Variants in GABRB1 observed in about 807,000 individuals in gnomAD.
The protein encoded by GABRB1 is gamma-aminobutyric acid receptor subunit beta-1.
Under a neutral mutation model 51.6 loss-of-function variants are expected in GABRB1, and 17 were observed. The observed-to-expected ratio is 0.33, with a 90% confidence interval of 0.23 to 0.49. The LOEUF (loss-of-function observed/expected upper bound fraction) is 0.49, where lower values mean the gene tolerates loss of function less well. Among genes scored for constraint, GABRB1 ranks in the 20% least tolerant of loss-of-function variants. The pLI is 0.99. For missense variants in GABRB1, 410 were observed against 600.6 expected (o/e 0.68, Z 3.32); for synonymous variants, 247 against 218.9 (o/e 1.13, Z -1.14).
chr4:47,301,069 CAA>C (rs1338432393), intron 4 of GABRB1, among the ~76,000 whole-genome samples: 1 of 151,516 alleles, frequency 6.6e-6, no homozygotes, highest in African/African-American at 2.4e-5. Flanking sequence ...AAACCAGAAA[CAA>C]AAAAAGAAAC....
chr4:47,092,591 T>C (rs544244763), intron 3 of GABRB1, among the ~76,000 whole-genome samples: 63 of 151,644 alleles, frequency 4.2e-4, no homozygotes, highest in African/African-American at 1.5e-3. Flanking sequence ...CAGATATCAG[T>C]TGGCATCCAG....
In GABRB1 at chr4:47,187,596, C is replaced by T. The variant is rs546818017; in HGVS notation, c.461+26127C>T. Among the ~76,000 whole-genome samples the T allele has an allele frequency of 3.6e-4, 55 of 151,854 alleles. 1 individual carries two copies. Among genetic ancestry groups the T allele is most frequent in the African/African-American group, 1.3e-3 (55 of 41,472 alleles). On this transcript the variant is annotated intron_variant, in intron 4 of 8. Transcript: ENST00000295454. ...TGAAATTATATGGATCCTCCCATGC[C>T]GACTCCCTCCGAGTTTTGAATAACT...
chr4:47,320,439 C>T (rs182818395), intron 5 of GABRB1, among the ~76,000 whole-genome samples: 2 of 152,274 alleles, frequency 1.3e-5, no homozygotes, highest in African/African-American at 4.8e-5. Context: ...CATACTTTCT[C>T]CTTCTCAGAA....
chr4:47,159,930 G>A (rs1717864047), intron 3 of GABRB1, among the ~76,000 whole-genome samples: 1 of 152,036 alleles, frequency 6.6e-6, no homozygotes, highest in African/African-American at 2.4e-5. Flanking sequence ...ATTGCCATAT[G>A]AATGTCTTAG....
intron 5 of GABRB1, among the ~76,000 whole-genome samples, chr4:47,389,791 T>G (rs1157161698): frequency 6.6e-6 from 1 of 152,212 alleles, no homozygotes. Context: ...AACTCTGTAG[T>G]GTAAAGCAAT....
chr4:47,337,500 C>T (rs909560281), intron 5 of GABRB1, among the ~76,000 whole-genome samples: 2 of 152,048 alleles, frequency 1.3e-5, no homozygotes, highest in African/African-American at 2.4e-5. Context: ...GAACTGAAGA[C>T]AGAATAAGGA....
chr4:47,186,589 T>C (rs1206810793), intron 4 of GABRB1, among the ~76,000 whole-genome samples: 2 of 151,828 alleles, frequency 1.3e-5, no homozygotes. Context: ...TTCTAACCAA[T>C]TTATTTTTCT....
intron 4 of GABRB1, among the ~76,000 whole-genome samples, chr4:47,311,091 AG>A (rs1724654530): frequency 6.7e-6 from 1 of 149,548 alleles, no homozygotes; most frequent in Non-Finnish European, 1.5e-5. Flanking sequence ...AAACATGAAA[AG>A]AAAAAAAGAT....
At chr4:47,233,500 T>C (rs1721220053) in intron 4 of GABRB1, among the ~76,000 whole-genome samples, 1 of 152,218 alleles carries the variant, frequency 6.6e-6, no homozygotes, top group African/African-American at 2.4e-5. Flanking sequence ...TTTGGGATTC[T>C]ACATTTTTAA....
In GABRB1 at chr4:47,219,904, T is replaced by C. The variant is rs911086879; in HGVS notation, c.461+58435T>C. Among the ~76,000 whole-genome samples, 7 of 152,084 alleles carry C rather than the reference T, an allele frequency of 4.6e-5. No individual in the cohort carries two copies. The Middle Eastern group carries it at 0.01, about 222-fold the overall frequency. On this transcript the variant is annotated intron_variant, in intron 4 of 8. Coordinates refer to ENST00000295454, the MANE Select transcript of GABRB1 (RefSeq NM_000812.4). ...CAGATTACCACATCTACCCAAGAATTACTTGTCTTCCTTCCTAAACCTAGA... is the reference window on the plus strand; with the variant it reads ...CAGATTACCACATCTACCCAAGAATCACTTGTCTTCCTTCCTAAACCTAGA...
At chr4:47,267,942 TC>T (rs763331769) in intron 4 of GABRB1, among the ~76,000 whole-genome samples, 1 of 152,098 alleles carries the variant, frequency 6.6e-6, no homozygotes, top group African/African-American at 2.4e-5. Flanking sequence ...TGAAGGCCCA[TC>T]ACTATGAAAT....
chr4:46,998,959 T>C (rs750133860), intron 1 of GABRB1, among the ~76,000 whole-genome samples: 9 of 152,128 alleles, frequency 5.9e-5, no homozygotes, highest in Non-Finnish European at 1.3e-4. Flanking sequence ...TGTGATCGTG[T>C]GTAATTAGTA....
chr4:47,171,414 G>C (rs1405119808), intron 4 of GABRB1, among the ~76,000 whole-genome samples: 2 of 152,074 alleles, frequency 1.3e-5, no homozygotes, highest in Non-Finnish European at 2.9e-5. Context: ...TTGAGAAGAT[G>C]TATCAGATTC....
chr4:47,057,197 G>C (rs1726650468), intron 3 of GABRB1, among the ~76,000 whole-genome samples: 1 of 152,200 alleles, frequency 6.6e-6, no homozygotes, highest in Non-Finnish European at 1.5e-5. Flanking sequence ...CAATAAGGAA[G>C]AGAGTAAATG....
At chr4:47,030,898 T>A (rs1219401043), upstream of GABRB1, among the ~76,000 whole-genome samples, 2 of 152,102 alleles carry the variant, frequency 1.3e-5, no homozygotes, top group Non-Finnish European at 2.9e-5. Flanking sequence ...TGCTGCTGGA[T>A]CCTTTGTTTC....
At position 47,057,722 on chromosome 4, in the gene GABRB1, T is replaced by TAC. The variant is rs1726676758; in HGVS notation, c.240+25239_240+25240insCA. Among the ~76,000 whole-genome samples, 3 of 152,350 alleles carry TAC rather than the reference T, an allele frequency of 2.0e-5. No homozygotes were observed. The South Asian group carries it at 6.2e-4, about 32-fold the overall frequency. ...TCTTAGGATTAGCTGCAAGTGTGTCTAAACCTGGATGTAAGAGGAGAGTGT... is the reference window on the plus strand; with the variant it reads ...TCTTAGGATTAGCTGCAAGTGTGTCTACAAACCTGGATGTAAGAGGAGAGTGT... On this transcript the variant is annotated intron_variant, in intron 3 of 8. Coordinates refer to ENST00000295454, the MANE Select transcript of GABRB1 (RefSeq NM_000812.4).
At chr4:47,326,081 T>C (rs1257252658) in intron 5 of GABRB1, among the ~76,000 whole-genome samples, 1 of 152,152 alleles carries the variant, frequency 6.6e-6, no homozygotes, top group East Asian at 1.9e-4. Flanking sequence ...CATGATGAAA[T>C]CGCCTACGAT....
At chr4:47,147,707 A>C (rs1185695903) in intron 3 of GABRB1, among the ~76,000 whole-genome samples, 1 of 152,092 alleles carries the variant, frequency 6.6e-6, no homozygotes, top group Middle Eastern at 3.2e-3. Context: ...GGCCTGTTCA[A>C]TACGATTTAG....
intron 3 of GABRB1, among the ~76,000 whole-genome samples, chr4:47,038,834 G>A (rs528466101): frequency 2.0e-5 from 3 of 152,046 alleles, no homozygotes; most frequent in Non-Finnish European, 4.4e-5. Context: ...TCAGTGAGGG[G>A]GCTCAAATGA....
Sources: allele counts gnomAD v4.1 joint callset (sites outside exome capture counted in the v4.1 genomes callset), GRCh38; gene constraint gnomAD v4.1.1; transcripts MANE v1.5; gene names NCBI Gene and HGNC (gene_info 2026-07-23, HGNC 2026-07-21).